The following GRIN2B variants were observed in gnomAD, a reference collection of about 807,000 sequenced individuals.
GRIN2B encodes glutamate ionotropic receptor NMDA type subunit 2B.
In GRIN2B, 5 loss-of-function variants were observed where a neutral mutation model predicts 114.5. The observed-to-expected ratio is 0.04, with a 90% CI of 0.02 to 0.09. The LOEUF is 0.09. GRIN2B is among the 10% of genes least tolerant of loss of function. The pLI is 1.00. For missense variants in GRIN2B, 1,108 were observed against 1,943.5 expected (o/e 0.57, Z 8.08); for synonymous variants, 787 against 745.1 (o/e 1.06, Z -0.92).
At chr12:13,627,372 T>A (rs1027229424) in intron 5 of GRIN2B, among the ~76,000 whole-genome samples, 2 of 152,196 alleles carry the variant, frequency 1.3e-5, no homozygotes, top group Non-Finnish European at 2.9e-5. Context: ...ACTGTGTATT[T>A]CATTCATAAA....
At chr12:13,631,922 G>T (rs569986110) in intron 5 of GRIN2B, among the ~76,000 whole-genome samples, 60 of 152,332 alleles carry the variant, frequency 3.9e-4, no homozygotes, top group African/African-American at 1.3e-3. Context: ...AGGCAGAAAA[G>T]GCGGGTTTCC....
chr12:13,648,575 G>C (rs934880410), intron 5 of GRIN2B, among the ~76,000 whole-genome samples: 1 of 151,950 alleles, frequency 6.6e-6, no homozygotes, highest in African/African-American at 2.4e-5. Context: ...CTGCCACAGA[G>C]AAAGCAGTTT....
At chr12:13,876,437 A>G (rs11055660) in intron 2 of GRIN2B, among the ~76,000 whole-genome samples, 29,628 of 152,112 alleles carry the variant, frequency 0.19, 3,234 homozygotes, top group African/African-American at 0.29. Flanking sequence ...GAGTCAAAGA[A>G]CTTCTGCCCT....
intron 5 of GRIN2B, among the ~76,000 whole-genome samples, chr12:13,626,329 T>C (rs1158496172): frequency 6.6e-6 from 1 of 152,220 alleles, no homozygotes; most frequent in Non-Finnish European, 1.5e-5. Flanking sequence ...GATGCTGAAC[T>C]GCTGACTGAA....
At chr12:13,758,997 A>C (rs1197388706) in intron 3 of GRIN2B, among the ~76,000 whole-genome samples, 1 of 120,306 alleles carries the variant, frequency 8.3e-6, no homozygotes, top group African/African-American at 3.6e-5. Flanking sequence ...CATCTAGTTC[A>C]ATTTTTTTTT....
chr12:13,769,881 C>T (rs973867672), intron 3 of GRIN2B, among the ~76,000 whole-genome samples: 3 of 152,210 alleles, frequency 2.0e-5, no homozygotes, highest in African/African-American at 7.2e-5. Flanking sequence ...CAGTGGGACT[C>T]ACACAAACCT....
intron 3 of GRIN2B, among the ~76,000 whole-genome samples, chr12:13,836,391 C>G (rs1175981469): frequency 6.6e-6 from 1 of 152,076 alleles, no homozygotes; most frequent in Non-Finnish European, 1.5e-5. Context: ...TTTATTTATT[C>G]AAAAAATGTA....
At chr12:13,776,906 C>T (rs1864014629) in intron 3 of GRIN2B, among the ~76,000 whole-genome samples, 1 of 152,092 alleles carries the variant, frequency 6.6e-6, no homozygotes, top group Non-Finnish European at 1.5e-5. Context: ...TACCTCTGTA[C>T]TTAGAAAAGT....
intron 3 of GRIN2B, among the ~76,000 whole-genome samples, chr12:13,797,267 C>G (rs1418715389): frequency 1.3e-5 from 2 of 152,122 alleles, no homozygotes; most frequent in Non-Finnish European, 2.9e-5. Flanking sequence ...TTATAAGGTC[C>G]CACTCATGAA....
intron 2 of GRIN2B, among the ~76,000 whole-genome samples, chr12:13,867,468 A>G (rs1865845864): frequency 1.3e-5 from 2 of 152,192 alleles, no homozygotes; most frequent in Admixed American, 6.5e-5. Flanking sequence ...TATTCAGGTG[A>G]TGGCTACACT....
chr12:13,660,237 C>A (rs775629314), intron 5 of GRIN2B, among the ~76,000 whole-genome samples: 1 of 152,152 alleles, frequency 6.6e-6, no homozygotes, highest in Non-Finnish European at 1.5e-5. Flanking sequence ...GGACCACACA[C>A]AGGCATGAAT....
intron 3 of GRIN2B, among the ~76,000 whole-genome samples, chr12:13,822,087 A>G (rs745578709): frequency 6.6e-6 from 1 of 152,186 alleles, no homozygotes; most frequent in South Asian, 2.1e-4. Flanking sequence ...CTTCTGAACT[A>G]TAAGTATTCC....
intron 3 of GRIN2B, among the ~76,000 whole-genome samples, chr12:13,794,217 A>AG: frequency 6.6e-6 from 1 of 151,200 alleles, no homozygotes; most frequent in East Asian, 1.9e-4. Flanking sequence ...CAAAAAAAAA[A>AG]AAAAAAGAAA....
At chr12:13,772,389 A>G (rs1462607041) in intron 3 of GRIN2B, among the ~76,000 whole-genome samples, 1 of 152,132 alleles carries the variant, frequency 6.6e-6, no homozygotes, top group Non-Finnish European at 1.5e-5. Context: ...TTTTTGTCTC[A>G]TCTGCAGACT....
intron 2 of GRIN2B, among the ~76,000 whole-genome samples, chr12:13,914,362 ACAAGGAGATATCGTCTCACCC>A (rs546566066): frequency 6.6e-6 from 1 of 152,260 alleles, no homozygotes; most frequent in Admixed American, 6.5e-5. Flanking sequence ...AGACCACAAC[ACAAGGAGATATCGTCTCACCC>A]CAGTTAAAAT....
At chr12:13,640,784 T>G (rs1218880329) in intron 5 of GRIN2B, among the ~76,000 whole-genome samples, 1 of 152,068 alleles carries the variant, frequency 6.6e-6, no homozygotes, top group Non-Finnish European at 1.5e-5. Flanking sequence ...AACCAAAATG[T>G]GTGATTGAGA....
intron 2 of GRIN2B, among the ~76,000 whole-genome samples, chr12:13,956,139 G>T (rs1867586737): frequency 6.6e-6 from 1 of 152,160 alleles, no homozygotes. Context: ...GGCAGGAACG[G>T]CCTGAGCAAA....
intron 3 of GRIN2B, among the ~76,000 whole-genome samples, chr12:13,768,612 C>T (rs937655407): frequency 2.6e-5 from 4 of 152,242 alleles, no homozygotes; most frequent in Admixed American, 1.3e-4. Context: ...GTCTTAGTTC[C>T]TCTCGGCTTT....
rs1211448394 is a variant in GRIN2B, at chr12:13,553,838, A to G, written c.*8945T>C. On this transcript the variant is annotated 3_prime_UTR_variant, in exon 14 of 14. Transcript: ENST00000609686. ...ATCCTTCATAGTTTCTCCCTCTGTC[A>G]CTTACTTGAACACATGTAGTGTTCC... is the stretch of plus-strand genomic sequence containing the variant. 2 of 152,204 alleles carry G rather than the reference A, an allele frequency of 1.3e-5. No homozygotes were observed. Among genetic ancestry groups the G allele is most frequent in the Non-Finnish European group, 2.9e-5 (2 of 68,032 alleles). The allele number at this position is 152,204 out of a possible 1,614,324, so 9.4% of individuals were successfully genotyped here.
Sources: allele counts gnomAD v4.1 joint callset (sites outside exome capture counted in the v4.1 genomes callset), GRCh38; gene constraint gnomAD v4.1.1; transcripts MANE v1.5; gene names NCBI Gene and HGNC (gene_info 2026-07-23, HGNC 2026-07-21).